The following FSIP1 variants were observed in gnomAD, a reference collection of about 807,000 sequenced individuals.
The protein encoded by FSIP1 is fibrous sheath-interacting protein 1.
Under a neutral mutation model 60.9 loss-of-function variants are expected in FSIP1, and 65 were observed. The ratio of observed to expected loss-of-function variants is 1.07; its 90% CI spans 0.87 to 1.31. The LOEUF (loss-of-function observed/expected upper bound fraction) is 1.31. FSIP1 is among the 40% of genes most tolerant of loss of function. The pLI, the probability that FSIP1 is intolerant of heterozygous loss-of-function variation, is 0.00. For synonymous variants in FSIP1, 209 were observed against 221.2 expected, an observed-to-expected ratio of 0.94 and a Z score of 0.49; for missense variants, 675 against 665.5, an observed-to-expected ratio of 1.01 and a Z score of -0.16.
chr15:39,645,919 T>C (rs1011167757), intron 10 of FSIP1, among the ~76,000 whole-genome samples: 3 of 152,214 alleles, frequency 2.0e-5, no homozygotes, highest in African/African-American at 7.2e-5. Context: ...GGCCCCACTT[T>C]CAGGCCGTCC....
At chr15:39,652,783 T>C (rs1892925405) in intron 10 of FSIP1, among the ~76,000 whole-genome samples, 1 of 152,228 alleles carries the variant, frequency 6.6e-6, no homozygotes, top group South Asian at 2.1e-4. Flanking sequence ...TACAAACCCG[T>C]ACAGCATGTT....
At chr15:39,683,440 T>C (rs1425396122) in intron 10 of FSIP1, among the ~76,000 whole-genome samples, 3 of 152,160 alleles carry the variant, frequency 2.0e-5, no homozygotes, top group African/African-American at 7.2e-5. Flanking sequence ...ACCTTCTTCA[T>C]TCTGATAACA....
chr15:39,650,259 C>T (rs1203359743), intron 10 of FSIP1, among the ~76,000 whole-genome samples: 1 of 152,148 alleles, frequency 6.6e-6, no homozygotes, highest in African/African-American at 2.4e-5. Flanking sequence ...AATTCCTTGG[C>T]CATAAAAATT....
At chr15:39,768,657 T>G (rs1293604164) in intron 3 of FSIP1, among the ~76,000 whole-genome samples, 1 of 152,216 alleles carries the variant, frequency 6.6e-6, no homozygotes, top group South Asian at 2.1e-4. Flanking sequence ...TGCAGAAAAT[T>G]TGGCCTCACA....
chr15:39,718,354 T>C (rs957644145), intron 9 of FSIP1, among the ~76,000 whole-genome samples: 3 of 152,086 alleles, frequency 2.0e-5, no homozygotes, highest in African/African-American at 7.2e-5. Flanking sequence ...TGTGTGCGTA[T>C]AGAGAAATAG....
chr15:39,738,044 A>G, intron 8 of FSIP1, 47 bp downstream of exon 8: 1 of 1,070,806 alleles, frequency 9.3e-7, no homozygotes, highest in Non-Finnish European at 1.4e-6. Flanking sequence ...ATTATTTTTT[A>G]AAATCTAAAT....
chr15:39,726,529 A>T (rs1056346425), intron 9 of FSIP1, 60 bp downstream of exon 9: 2 of 1,576,360 alleles, frequency 1.3e-6, no homozygotes, highest in Admixed American at 3.3e-5. Context: ...CCAGATTGTA[A>T]AATTATGTGA....
intron 7 of FSIP1, among the ~76,000 whole-genome samples, chr15:39,738,769 G>A (rs549629138): frequency 6.6e-6 from 1 of 152,214 alleles, no homozygotes; most frequent in Non-Finnish European, 1.5e-5. Context: ...GACAGAGACA[G>A]AACAAGATGG....
At chr15:39,685,429 C>A (rs1005462047) in intron 10 of FSIP1, among the ~76,000 whole-genome samples, 10 of 152,104 alleles carry the variant, frequency 6.6e-5, no homozygotes, top group African/African-American at 2.2e-4. Context: ...TAAATCCCCC[C>A]GCCATCCCCA....
At chr15:39,664,282 T>C (rs1210037355) in intron 10 of FSIP1, among the ~76,000 whole-genome samples, 1 of 152,202 alleles carries the variant, frequency 6.6e-6, no homozygotes, top group Non-Finnish European at 1.5e-5. Context: ...TGCAAAATTC[T>C]TTATGCTTGA....
chr15:39,625,822 C>T (rs961793251), intron 10 of FSIP1, among the ~76,000 whole-genome samples: 4 of 152,102 alleles, frequency 2.6e-5, no homozygotes, highest in Non-Finnish European at 4.4e-5. Flanking sequence ...TCTCATGCTC[C>T]GAGGGAACTG....
chr15:39,687,305 C>T (rs1386701113), intron 10 of FSIP1, among the ~76,000 whole-genome samples: 1 of 151,864 alleles, frequency 6.6e-6, no homozygotes, highest in Non-Finnish European at 1.5e-5. Flanking sequence ...CAGGCATGTG[C>T]CACCACACCC....
chr15:39,633,198 T>A (rs1449749781), intron 10 of FSIP1, among the ~76,000 whole-genome samples: 1 of 147,524 alleles, frequency 6.8e-6, no homozygotes, highest in Non-Finnish European at 1.5e-5. Context: ...TCAACCATTC[T>A]CCTACCTCAG....
At chr15:39,598,739 C>A (rs978884381), downstream of FSIP1, 2 of 151,954 alleles carry the variant, frequency 1.3e-5, no homozygotes, top group Non-Finnish European at 2.9e-5. Flanking sequence ...AGTTTATTGT[C>A]ATGTGTTGTG....
At chr15:39,639,321 T>C (rs1892264966) in intron 10 of FSIP1, among the ~76,000 whole-genome samples, 1 of 152,204 alleles carries the variant, frequency 6.6e-6, no homozygotes, top group Non-Finnish European at 1.5e-5. Flanking sequence ...TGACTACCTT[T>C]TTTTTCAAGC....
At chr15:39,736,809 G>T (rs1896625933) in intron 8 of FSIP1, among the ~76,000 whole-genome samples, 1 of 152,206 alleles carries the variant, frequency 6.6e-6, no homozygotes, top group African/African-American at 2.4e-5. Flanking sequence ...GGCCAAGCGA[G>T]GATGTGGTCT....
intron 10 of FSIP1, among the ~76,000 whole-genome samples, chr15:39,702,985 T>C (rs1895120452): frequency 7.3e-6 from 1 of 137,600 alleles, no homozygotes; most frequent in African/African-American, 2.7e-5. Context: ...TAATTGTCTT[T>C]TTTTTTTTTT....
At chr15:39,735,752 CACAGTATAGAACTGT>C (rs945958385) in intron 8 of FSIP1, among the ~76,000 whole-genome samples, 2 of 152,126 alleles carry the variant, frequency 1.3e-5, no homozygotes, top group Non-Finnish European at 2.9e-5. Flanking sequence ...AAAACATAAA[CACAGTATAGAACTGT>C]ACAAAAATAT....
chr15:39,689,566 G>C lies in FSIP1; in HGVS notation c.1188+23878C>G, dbSNP rs148856522. Among the ~76,000 whole-genome samples the C allele has an allele frequency of 1.5e-4, 23 of 152,232 alleles. No individual in the cohort carries two copies. In the East Asian group the frequency reaches 3.5e-3, roughly 23 times the overall value. ...GAGTCCAAGGGTCTTAGAAAGTCTTGTGTCAGGAACCGAAGACCAAGACCA... is the reference window on the plus strand; with the variant it reads ...GAGTCCAAGGGTCTTAGAAAGTCTTCTGTCAGGAACCGAAGACCAAGACCA... On this transcript the variant is annotated intron_variant, in intron 10 of 11. Coordinates refer to ENST00000350221, the MANE Select transcript of FSIP1 (RefSeq NM_152597.5).
Sources: allele counts gnomAD v4.1 joint callset (sites outside exome capture counted in the v4.1 genomes callset), GRCh38; gene constraint gnomAD v4.1.1; transcripts MANE v1.5; gene names NCBI Gene and HGNC (gene_info 2026-07-23, HGNC 2026-07-21).